Variants in NUBPL observed in about 807,000 individuals in gnomAD.
NUBPL encodes iron-sulfur cluster transfer protein NUBPL.
A neutral mutation model predicts 45.7 loss-of-function variants in NUBPL; 31 were observed. The ratio of observed to expected loss-of-function variants is 0.68; its 90% CI spans 0.51 to 0.92. The LOEUF (loss-of-function observed/expected upper bound fraction) is 0.92, where lower values mean the gene tolerates loss of function less well. Among genes scored for constraint, NUBPL ranks in the 40% least tolerant of loss-of-function variants. NUBPL has a pLI of 0.00. For synonymous variants in NUBPL, 144 were observed against 140.9 expected, an observed-to-expected ratio of 1.02 and a Z score of -0.15; for missense variants, 401 against 398.7, an observed-to-expected ratio of 1.01 and a Z score of -0.05.
chr14:31,811,800 T>A (rs2039810636), intron 7 of NUBPL, among the ~76,000 whole-genome samples: 1 of 152,124 alleles, frequency 6.6e-6, no homozygotes, highest in Non-Finnish European at 1.5e-5. Flanking sequence ...CAGATGGGGT[T>A]TTTTTGTGGA....
chr14:31,804,605 T>C (rs1170363901), intron 7 of NUBPL, among the ~76,000 whole-genome samples: 2 of 152,102 alleles, frequency 1.3e-5, no homozygotes, highest in Non-Finnish European at 2.9e-5. Context: ...CAATGGAACA[T>C]AATAGAGAGC....
intron 4 of NUBPL, among the ~76,000 whole-genome samples, chr14:31,620,885 C>T (rs900978771): frequency 5.3e-5 from 8 of 152,160 alleles, no homozygotes; most frequent in East Asian, 3.9e-4. Context: ...CGCCCACAGC[C>T]GCACCTTCCC....
intron 4 of NUBPL, among the ~76,000 whole-genome samples, chr14:31,636,116 TCCAACACTATGTTGAATAG>T: frequency 6.6e-6 from 1 of 152,014 alleles, no homozygotes; most frequent in East Asian, 1.9e-4. Flanking sequence ...GGCCAGAACT[TCCAACACTATGTTGAATAG>T]GAGTGGTGAG....
rs984748488 is a variant in NUBPL at position 31,787,887 on chromosome 14, G to C, written c.607+14G>C. ...TTCCTATAACAGGTAAATCTTCAAA[G>C]TTTAAAGTAATTTGTACTTTTTTTG... On this transcript the variant is annotated intron_variant, in intron 7 of 10. Coordinates refer to ENST00000281081, the MANE Select transcript of NUBPL (RefSeq NM_025152.3). The C allele has an allele frequency of 1.7e-5, 26 of 1,559,400 alleles. No homozygotes were observed. The highest frequency in any genetic ancestry group is 2.2e-5 in the Non-Finnish European group (25 of 1,130,770).
intron 6 of NUBPL, among the ~76,000 whole-genome samples, chr14:31,726,182 A>G (rs1273211317): frequency 6.6e-6 from 1 of 152,234 alleles, no homozygotes; most frequent in Admixed American, 6.5e-5. Context: ...GCCTAAAGTC[A>G]TATAGAACCT....
chr14:31,814,607 T>C (rs2039878969), intron 7 of NUBPL, among the ~76,000 whole-genome samples: 1 of 152,196 alleles, frequency 6.6e-6, no homozygotes. Flanking sequence ...ATGAAGTCTT[T>C]GCCCATGCCT....
At chr14:31,734,037 C>T (rs1373737731) in intron 6 of NUBPL, among the ~76,000 whole-genome samples, 2 of 152,036 alleles carry the variant, frequency 1.3e-5, no homozygotes, top group Non-Finnish European at 2.9e-5. Flanking sequence ...TAGCTTTTCT[C>T]CTTTATTCTG....
At chr14:31,739,179 A>AATAT (rs764759367) in intron 6 of NUBPL, among the ~76,000 whole-genome samples, 5 of 140,476 alleles carry the variant, frequency 3.6e-5, no homozygotes, top group East Asian at 4.0e-4. Flanking sequence ...ACACCTGGCT[A>AATAT]ATATATATAT....
intron 3 of NUBPL, among the ~76,000 whole-genome samples, chr14:31,591,249 G>T (rs1486018961): frequency 6.6e-6 from 1 of 152,118 alleles, no homozygotes; most frequent in African/African-American, 2.4e-5. Context: ...TGCAACCTCT[G>T]TCTTCCGGTT....
At chr14:31,704,275 G>A (rs1041653190) in intron 6 of NUBPL, among the ~76,000 whole-genome samples, 7 of 152,106 alleles carry the variant, frequency 4.6e-5, no homozygotes, top group Non-Finnish European at 1.0e-4. Context: ...CATTCTAGGG[G>A]TCCCCTTTAG....
chr14:31,815,034 C>T (rs2039887769), intron 7 of NUBPL, among the ~76,000 whole-genome samples: 1 of 152,094 alleles, frequency 6.6e-6, no homozygotes, highest in Non-Finnish European at 1.5e-5. Context: ...TTTTTTGATT[C>T]CGTATGAAAC....
intron 4 of NUBPL, 124 bp downstream of exon 4, chr14:31,599,503 A>T: frequency 1.5e-6 from 1 of 675,494 alleles, no homozygotes; most frequent in East Asian, 2.7e-5. Flanking sequence ...TCCTCACTTA[A>T]GTTAGTAGAT....
intron 7 of NUBPL, among the ~76,000 whole-genome samples, chr14:31,818,121 A>G (rs539774212): frequency 6.6e-5 from 10 of 152,204 alleles, no homozygotes; most frequent in African/African-American, 2.4e-4. Flanking sequence ...AGAGCTAACT[A>G]TCCTAAATAT....
chr14:31,740,793 G>A (rs191954521), intron 6 of NUBPL, among the ~76,000 whole-genome samples: 3 of 152,110 alleles, frequency 2.0e-5, no homozygotes, highest in East Asian at 3.9e-4. Context: ...TTCTGTTCTG[G>A]TTCCCCTCAT....
chr14:31,753,227 C>T (rs2038572231), intron 6 of NUBPL, among the ~76,000 whole-genome samples: 1 of 152,124 alleles, frequency 6.6e-6, no homozygotes, highest in Admixed American at 6.6e-5. Context: ...ATGTAGTGTC[C>T]AGTGGCTCCA....
chr14:31,614,292 C>A (rs894449817), intron 4 of NUBPL, among the ~76,000 whole-genome samples: 1 of 152,138 alleles, frequency 6.6e-6, no homozygotes, highest in Non-Finnish European at 1.5e-5. Flanking sequence ...ATTACAACTA[C>A]TATTGTTGGG....
At position 31,781,753 on chromosome 14, in the gene NUBPL, C is replaced by T. The variant is rs576257042; in HGVS notation, c.514-6027C>T. On this transcript the variant is annotated intron_variant, in intron 6 of 10. Transcript: ENST00000281081. Reference sequence around the variant, plus strand: ...ACTTATTCACACCCCAAGTTTCTTTCTTAAAATTTCTATTTATTAACCTTT... The same window carrying T: ...ACTTATTCACACCCCAAGTTTCTTTTTTAAAATTTCTATTTATTAACCTTT... Among the ~76,000 whole-genome samples the T allele has an allele frequency of 2.4e-4, 37 of 152,200 alleles. No individual in the cohort carries two copies. In the Middle Eastern group the frequency reaches 0.01, roughly 42 times the overall value.
intron 6 of NUBPL, among the ~76,000 whole-genome samples, chr14:31,686,981 G>C (rs552794333): frequency 3.2e-4 from 48 of 152,326 alleles, no homozygotes; most frequent in African/African-American, 1.2e-3. Flanking sequence ...GGGCATGGTT[G>C]CATGTACCAG....
intron 4 of NUBPL, among the ~76,000 whole-genome samples, chr14:31,651,018 G>A (rs1545275): frequency 0.29 from 44,481 of 152,108 alleles, 7,458 homozygotes; most frequent in South Asian, 0.41. Context: ...GGGATCTGTC[G>A]CACAACCCAG....
Sources: gnomAD v4.1 joint callset for allele counts (sites outside exome capture counted in the v4.1 genomes callset) on GRCh38, gnomAD v4.1.1 for gene constraint, MANE v1.5 for transcripts, NCBI Gene and HGNC (gene_info 2026-07-23, HGNC 2026-07-21) for gene names.